The following DLG2 variants were observed in gnomAD, a reference collection of about 807,000 sequenced individuals.
DLG2 encodes the protein disks large homolog 2.
DLG2 carries 45 observed loss-of-function variants against 132.5 expected under a neutral mutation model. That is an observed-to-expected ratio of 0.34 (90% confidence interval 0.27 to 0.44). DLG2 has a LOEUF of 0.44. Among genes scored for constraint, DLG2 ranks in the 20% least tolerant of loss-of-function variants. DLG2 has a pLI of 1.00. For synonymous variants in DLG2, 424 were observed against 419.6 expected (o/e 1.01, Z -0.13); for missense variants, 1,045 against 1,196.9 (o/e 0.87, Z 1.87).
intron 21 of DLG2, among the ~76,000 whole-genome samples, chr11:83,489,761 G>C (rs554979775): frequency 6.6e-6 from 1 of 152,080 alleles, no homozygotes; most frequent in South Asian, 2.1e-4. Context: ...CACTTAACAG[G>C]TTTATTGCTG....
chr11:85,455,962 T>G (rs1263433426), intron 3 of DLG2, among the ~76,000 whole-genome samples: 1 of 151,656 alleles, frequency 6.6e-6, no homozygotes, highest in African/African-American at 2.4e-5. Flanking sequence ...TTCATCAAGA[T>G]GTTCAGCTTT....
intron 20 of DLG2, among the ~76,000 whole-genome samples, chr11:83,539,959 A>C (rs1030421506): frequency 6.6e-6 from 1 of 152,216 alleles, no homozygotes; most frequent in African/African-American, 2.4e-5. Context: ...GGTTGGAAAG[A>C]GTCAGAAAAC....
At chr11:84,756,713 T>A (rs759636508) in intron 6 of DLG2, among the ~76,000 whole-genome samples, 8 of 152,204 alleles carry the variant, frequency 5.3e-5, no homozygotes, top group Non-Finnish European at 8.8e-5. Flanking sequence ...CAACACAAAT[T>A]CATAAACTTT....
chr11:85,216,794 T>A (rs1221370799), intron 4 of DLG2, among the ~76,000 whole-genome samples: 7 of 151,938 alleles, frequency 4.6e-5, no homozygotes, highest in African/African-American at 1.7e-4. Flanking sequence ...CCTCCCGGGT[T>A]CAAGCAATTC....
At chr11:84,485,120 C>G (rs974694826) in intron 7 of DLG2, among the ~76,000 whole-genome samples, 2 of 151,986 alleles carry the variant, frequency 1.3e-5, no homozygotes, top group Admixed American at 1.3e-4. Context: ...TATTCTAGGT[C>G]CAGAGGTCTT....
At chr11:85,200,028 A>G (rs924544295) in intron 4 of DLG2, among the ~76,000 whole-genome samples, 2 of 147,460 alleles carry the variant, frequency 1.4e-5, no homozygotes, top group Non-Finnish European at 2.9e-5. Context: ...TTCCCCCACA[A>G]CAACAACAAG....
intron 6 of DLG2, among the ~76,000 whole-genome samples, chr11:84,787,879 A>G (rs1465817662): frequency 2.0e-5 from 3 of 151,528 alleles, no homozygotes; most frequent in Non-Finnish European, 4.4e-5. Flanking sequence ...CAGGTGGATC[A>G]CTTGAGGCTA....
At chr11:84,363,180 T>C (rs2098660712) in intron 7 of DLG2, among the ~76,000 whole-genome samples, 1 of 151,788 alleles carries the variant, frequency 6.6e-6, no homozygotes, top group Non-Finnish European at 1.5e-5. Context: ...TGTTGTTTCC[T>C]GACTTTTTAA....
intron 3 of DLG2, among the ~76,000 whole-genome samples, chr11:85,534,363 A>G (rs1178706549): frequency 6.6e-6 from 1 of 151,958 alleles, no homozygotes; most frequent in Non-Finnish European, 1.5e-5. Flanking sequence ...TTAATTTTAG[A>G]TTTGGGGGTA....
chr11:83,484,267 G>A (rs1353124988), intron 21 of DLG2, 39 bp from the exon 22 acceptor site: 5 of 1,449,312 alleles, frequency 3.4e-6, no homozygotes, highest in Non-Finnish European at 3.9e-6. Context: ...AACAGGGGAC[G>A]TCTAATTGTT....
intron 18 of DLG2, among the ~76,000 whole-genome samples, chr11:83,669,069 C>T (rs764074667): frequency 6.8e-4 from 104 of 152,002 alleles, no homozygotes; most frequent in Admixed American, 1.4e-3. Context: ...GGAATATTTT[C>T]CCAATCCTGA....
intron 6 of DLG2, among the ~76,000 whole-genome samples, chr11:84,726,422 T>G (rs374706333): frequency 3.3e-5 from 5 of 152,288 alleles, no homozygotes. Context: ...GCTTCATCCA[T>G]GTCCCTGCAA....
chr11:84,474,386 T>C (rs1198121122), intron 7 of DLG2, among the ~76,000 whole-genome samples: 1 of 152,138 alleles, frequency 6.6e-6, no homozygotes, highest in East Asian at 1.9e-4. Context: ...GTACATACTA[T>C]GACACTTCGC....
In DLG2 at chr11:84,274,749, T is replaced by C. The variant is rs142364720; in HGVS notation, c.520-23458A>G. Reference sequence around the variant, plus strand: ...AAATTTTACCTAATTTGTAGGGAAATTGTTTTTCCTTAGTACTTCACGAGC... The same window carrying C: ...AAATTTTACCTAATTTGTAGGGAAACTGTTTTTCCTTAGTACTTCACGAGC... On this transcript the variant is annotated intron_variant, in intron 7 of 27. Coordinates refer to ENST00000376104, the MANE Select transcript of DLG2 (RefSeq NM_001142699.3). Among the ~76,000 whole-genome samples, 543 of 152,292 alleles carry C rather than the reference T, an allele frequency of 3.6e-3. 3 individuals carry two copies. The highest frequency in any genetic ancestry group is 0.014 in the Middle Eastern group (4 of 294).
intron 6 of DLG2, among the ~76,000 whole-genome samples, chr11:84,794,279 A>G (rs1259201309): frequency 1.3e-5 from 2 of 152,196 alleles, no homozygotes; most frequent in Non-Finnish European, 2.9e-5. Flanking sequence ...GTGTAACGGG[A>G]TTGTAACACA....
At chr11:84,754,156 A>G (rs373718224) in intron 6 of DLG2, among the ~76,000 whole-genome samples, 6 of 152,324 alleles carry the variant, frequency 3.9e-5, no homozygotes. Context: ...AGGGTAAAAG[A>G]AATTAAGACA....
chr11:85,583,065 T>A (rs1210702147), intron 3 of DLG2, among the ~76,000 whole-genome samples: 3 of 135,236 alleles, frequency 2.2e-5, no homozygotes, highest in African/African-American at 8.3e-5. Flanking sequence ...AAAATATATA[T>A]ATATATATAT....
intron 7 of DLG2, among the ~76,000 whole-genome samples, chr11:84,408,877 A>T (rs534540244): frequency 6.6e-6 from 1 of 152,182 alleles, no homozygotes; most frequent in Non-Finnish European, 1.5e-5. Context: ...TTCTCTGTAG[A>T]TGTCTACAGC....
At chr11:85,592,335 T>C (rs1318586677) in intron 3 of DLG2, among the ~76,000 whole-genome samples, 1 of 152,222 alleles carries the variant, frequency 6.6e-6, no homozygotes, top group East Asian at 1.9e-4. Flanking sequence ...AGAAACATAA[T>C]AGACCTTAGC....
Sources: gnomAD v4.1 joint callset for allele counts (sites outside exome capture counted in the v4.1 genomes callset) on GRCh38, gnomAD v4.1.1 for gene constraint, MANE v1.5 for transcripts, NCBI Gene and HGNC (gene_info 2026-07-23, HGNC 2026-07-21) for gene names.